Variants in SMARCA1 observed in about 807,000 individuals in gnomAD.
SMARCA1 encodes the protein SWI/SNF-related matrix-associated actin-dependent regulator of chromatin subfamily A member 1.
In SMARCA1, 17 loss-of-function variants were observed where a neutral mutation model predicts 93.6. The ratio of observed to expected loss-of-function variants is 0.18; its 90% CI spans 0.12 to 0.27. SMARCA1 has a LOEUF of 0.27. Ranked by LOEUF, SMARCA1 falls within the 10% of genes least tolerant of loss-of-function variation. SMARCA1 has a pLI of 1.00. For synonymous variants in SMARCA1, 271 were observed against 271.4 expected, an observed-to-expected ratio of 1.00 and a Z score of 0.01; for missense variants, 630 against 819.0, an observed-to-expected ratio of 0.77 and a Z score of 2.82.
chrX:129,514,962 T>C (rs1935144067), intron 5 of SMARCA1, among the ~76,000 whole-genome samples: 1 of 111,080 alleles, frequency 9.0e-6, no homozygotes, highest in African/African-American at 3.3e-5. Context: ...AGACAGAGAA[T>C]TGCTTGAACC....
chrX:129,484,057 A>G (rs1420884889), intron 17 of SMARCA1, among the ~76,000 whole-genome samples: 2 of 112,158 alleles, frequency 1.8e-5, no homozygotes, highest in African/African-American at 6.5e-5. Flanking sequence ...TTAATTATAA[A>G]AATACAAGTC....
chrX:129,506,502 A>G (rs1264910292), intron 7 of SMARCA1, among the ~76,000 whole-genome samples: 1 of 109,009 alleles, frequency 9.2e-6, no homozygotes, highest in Non-Finnish European at 1.9e-5. Flanking sequence ...ACTTGCCAAC[A>G]TGGTGAAACC....
At position 129,508,109 on chromosome X, in the gene SMARCA1, A is replaced by G; in HGVS notation, c.811-13T>C. 9.8e-7 allele frequency: 1 copy of G among 1,021,745 alleles called. No homozygotes were observed. Among genetic ancestry groups the G allele is most frequent in the Non-Finnish European group, 1.3e-6 (1 of 750,355 alleles). The allele number at this position is 1,021,745 out of a possible 1,213,427, so 84.2% of individuals were successfully genotyped here. On this transcript the variant is annotated splice_polypyrimidine_tract_variant and intron_variant, in intron 6 of 24. Coordinates refer to ENST00000371121, the MANE Select transcript of SMARCA1 (RefSeq NM_001282874.2). The stretch of plus-strand genomic sequence containing the variant: ...GAATAAAAGCAGCCTAATGCAAAAT[A>G]AAATACTTCATATTAGAATATATTT...
intron 9 of SMARCA1, among the ~76,000 whole-genome samples, chrX:129,503,603 A>G (rs1330289649): frequency 9.0e-6 from 1 of 111,688 alleles, no homozygotes; most frequent in Non-Finnish European, 1.9e-5. Flanking sequence ...GTGAGGTAAC[A>G]GGACAAGTAC....
Position 129,504,609 on chromosome X carries a change from GGAGA to G in SMARCA1, c.1167+121_1167+124del, listed in dbSNP as rs200111406. ...AAGAGGCTGTCAGAAAGGTTAGGAG[GGAGA>G]AACAGTGACATTGAGCCAAGAGGCA... On this transcript the variant is annotated intron_variant, in intron 9 of 24. Coordinates refer to ENST00000371121, the MANE Select transcript of SMARCA1 (RefSeq NM_001282874.2). 818 of 375,921 alleles carry G rather than the reference GGAGA, an allele frequency of 2.2e-3. 11 individuals carry two copies. Among genetic ancestry groups the G allele is most frequent in the African/African-American group, 0.021 (751 of 35,029 alleles). The allele number at this position is 375,921 out of a possible 1,213,427, so 31.0% of individuals were successfully genotyped here.
At chrX:129,470,123 G>C (rs1933048907) in intron 20 of SMARCA1, among the ~76,000 whole-genome samples, 1 of 111,308 alleles carries the variant, frequency 9.0e-6, no homozygotes, top group African/African-American at 3.3e-5. Context: ...AATTAACGTG[G>C]AGAATTACCT....
intron 12 of SMARCA1, among the ~76,000 whole-genome samples, chrX:129,494,812 G>A (rs1230067789): frequency 8.9e-6 from 1 of 112,342 alleles, no homozygotes; most frequent in Non-Finnish European, 1.9e-5. Context: ...GCTTGCACAC[G>A]CTGCAAAGTG....
chrX:129,507,813 A>T (rs1602724356), intron 7 of SMARCA1, 128 bp downstream of exon 7: 1 of 434,467 alleles, frequency 2.3e-6, no homozygotes, highest in East Asian at 4.4e-5. Context: ...CGGCCTCCCA[A>T]AGTGCTGGGA....
chrX:129,513,781 G>C (rs1935096766), intron 5 of SMARCA1, among the ~76,000 whole-genome samples: 1 of 109,555 alleles, frequency 9.1e-6, no homozygotes, highest in Non-Finnish European at 1.9e-5. Flanking sequence ...TAAATATAAG[G>C]AGCTACAGAC....
Position 129,488,977 on chromosome X carries a change from T to C in SMARCA1, c.2057A>G (p.Asp686Gly). 8.4e-7 allele frequency: 1 copy of C among 1,183,494 alleles called. No individual in the cohort carries two copies. Among genetic ancestry groups the C allele is most frequent in the Non-Finnish European group, 1.1e-6 (1 of 870,351 alleles). ...TTCCAGAATAGTTGTAATGTCTTCA[T>C]CTGTCAACTCACTCTCTTTAGAAGC... is the stretch of plus-strand genomic sequence containing the variant. ...VFASKESELT[D>G]EDITTILERG... Residue 686 changes from aspartate to glycine, a missense_variant, in exon 16 of 25, where the codon GAT becomes GGT. Asp to Gly is a moderately conservative substitution (Grantham distance 94, BLOSUM62 -1). Transcript: ENST00000371121.
At chrX:129,472,341 T>A (rs1933163701) in intron 19 of SMARCA1, among the ~76,000 whole-genome samples, 1 of 111,255 alleles carries the variant, frequency 9.0e-6, no homozygotes, top group Non-Finnish European at 1.9e-5. Context: ...AGCCTTCCAC[T>A]GCTTGAAATG....
intron 13 of SMARCA1, 39 bp downstream of exon 13, chrX:129,493,001 T>C (rs1238309095): frequency 2.7e-5 from 12 of 451,154 alleles, no homozygotes; most frequent in Admixed American, 3.2e-5. Context: ...TGGAAAGCAA[T>C]TTGGCAATAT....
intron 19 of SMARCA1, among the ~76,000 whole-genome samples, chrX:129,477,297 G>A (rs1017122038): frequency 8.9e-6 from 1 of 111,944 alleles, no homozygotes; most frequent in Admixed American, 9.5e-5. Context: ...GCTCACACCT[G>A]TAATCCCAGC....
chrX:129,513,913 T>C (rs183913260), intron 5 of SMARCA1, among the ~76,000 whole-genome samples: 9 of 112,758 alleles, frequency 8.0e-5, no homozygotes, highest in Non-Finnish European at 1.3e-4. Context: ...GTGGCTCTTC[T>C]GGATAATAGT....
Position 129,523,406 on chromosome X carries a change from G to C in SMARCA1, c.-36C>G, listed in dbSNP as rs1191943461. 1 of 1,108,345 alleles carries C rather than the reference G, an allele frequency of 9.0e-7. No individual in the cohort carries two copies. The highest frequency in any genetic ancestry group is 1.8e-5 in the African/African-American group (1 of 54,825). 91.3% of individuals were successfully genotyped at this position (1,108,345 alleles called of 1,213,427 possible). ...CGGGAACGAGTAGGGGGACAAGGCA[G>C]GGGACGAGGGCTCCTGGGCGGCGGC... On this transcript the variant is annotated 5_prime_UTR_variant, in exon 1 of 25. Transcript: ENST00000371121.
chrX:129,502,506 C>T (rs1378396638), intron 9 of SMARCA1, among the ~76,000 whole-genome samples: 2 of 111,809 alleles, frequency 1.8e-5, no homozygotes, highest in Admixed American at 9.6e-5. Context: ...ACCCTGAATT[C>T]AGCAACTGGA....
chrX:129,482,612 G>A (rs896561855), intron 17 of SMARCA1, among the ~76,000 whole-genome samples: 1 of 111,749 alleles, frequency 8.9e-6, no homozygotes, highest in African/African-American at 3.3e-5. Context: ...TCATATATGT[G>A]AAAGCATTAA....
chrX:129,461,693 A>G (rs1308362190), intron 23 of SMARCA1, among the ~76,000 whole-genome samples: 2 of 111,915 alleles, frequency 1.8e-5, no homozygotes. Flanking sequence ...TAAGTTTTTG[A>G]CTATCCTAAG....
chrX:129,514,816 G>A (rs1285562856), intron 5 of SMARCA1, among the ~76,000 whole-genome samples: 2 of 111,514 alleles, frequency 1.8e-5, no homozygotes, highest in East Asian at 2.8e-4. Flanking sequence ...CTGGGAGGCC[G>A]AAGCAGGTGG....
Sources: allele counts gnomAD v4.1 joint callset (sites outside exome capture counted in the v4.1 genomes callset), GRCh38; gene constraint gnomAD v4.1.1; transcripts MANE v1.5; gene names NCBI Gene and HGNC (gene_info 2026-07-23, HGNC 2026-07-21).